TMEM65: variants seen among roughly 807,000 people sequenced by gnomAD.
TMEM65 encodes the protein transmembrane protein 65.
In TMEM65, 22 loss-of-function variants were observed where a neutral mutation model predicts 25.4. The ratio of observed to expected loss-of-function variants is 0.86; its 90% CI spans 0.62 to 1.23. The LOEUF is 1.23. Ranked by LOEUF, TMEM65 falls within the 50% of genes most tolerant of loss-of-function variation. TMEM65 has a pLI of 0.00. For missense variants in TMEM65, 262 were observed against 308.2 expected, an observed-to-expected ratio of 0.85 and a Z score of 1.12; for synonymous variants, 132 against 126.2, an observed-to-expected ratio of 1.05 and a Z score of -0.31.
At chr8:124,341,915 A>C (rs1266185419) in intron 1 of TMEM65, among the ~76,000 whole-genome samples, 2 of 152,044 alleles carry the variant, frequency 1.3e-5, no homozygotes, top group East Asian at 3.8e-4. Context: ...TCCTTATATA[A>C]AAAGACAGAT....
At chr8:124,371,421 G>A (rs1412899320) in intron 1 of TMEM65, among the ~76,000 whole-genome samples, 1 of 152,222 alleles carries the variant, frequency 6.6e-6, no homozygotes, top group African/African-American at 2.4e-5. Flanking sequence ...CTGCCAGGCG[G>A]GTTTGCAGCA....
chr8:124,338,469 T>TA (rs1421375858), intron 1 of TMEM65, among the ~76,000 whole-genome samples: 2 of 152,120 alleles, frequency 1.3e-5, no homozygotes, highest in Non-Finnish European at 2.9e-5. Flanking sequence ...TATGTCAAGT[T>TA]ACCCCCATCT....
At chr8:124,361,200 G>A (rs770109065) in intron 1 of TMEM65, among the ~76,000 whole-genome samples, 31 of 149,814 alleles carry the variant, frequency 2.1e-4, no homozygotes, top group Non-Finnish European at 3.3e-4. Flanking sequence ...TTGGGAGGCC[G>A]AGGCGGGTAG....
At chr8:124,327,550 G>A (rs937952148) in intron 2 of TMEM65, 129 bp from the exon 3 acceptor site, 1 of 587,962 alleles carries the variant, frequency 1.7e-6, no homozygotes, top group Non-Finnish European at 2.9e-6. Context: ...TCATTTTCCA[G>A]AGCCAATAGA....
At chr8:124,348,582 G>A (rs1814669925) in intron 1 of TMEM65, among the ~76,000 whole-genome samples, 1 of 152,008 alleles carries the variant, frequency 6.6e-6, no homozygotes, top group Non-Finnish European at 1.5e-5. Context: ...TAATACTGTA[G>A]AGAAAAAGCC....
chr8:124,333,470 CGTGTGTGT>C (rs10660640), intron 1 of TMEM65, among the ~76,000 whole-genome samples: 5 of 149,138 alleles, frequency 3.4e-5, no homozygotes, highest in African/African-American at 7.4e-5. Flanking sequence ...TGTGTGTGTG[CGTGTGTGT>C]GTGTGTGTGT....
At chr8:124,318,376 T>G (rs1247997330) in intron 6 of TMEM65, among the ~76,000 whole-genome samples, 34 of 124,816 alleles carry the variant, frequency 2.7e-4, no homozygotes, top group African/African-American at 8.1e-4. Flanking sequence ...TTTGTTTTTT[T>G]TTTTTTTTTT....
At chr8:124,335,680 G>A (rs1023902812) in intron 1 of TMEM65, among the ~76,000 whole-genome samples, 2 of 151,974 alleles carry the variant, frequency 1.3e-5, no homozygotes, top group South Asian at 4.1e-4. Context: ...AAAAAGTTAA[G>A]AATACATGCT....
At chr8:124,362,255 T>C (rs1814876683) in intron 1 of TMEM65, among the ~76,000 whole-genome samples, 1 of 152,116 alleles carries the variant, frequency 6.6e-6, no homozygotes, top group Non-Finnish European at 1.5e-5. Context: ...TGAGAAAAAA[T>C]AATTTCATCT....
chr8:124,356,750 C>T (rs1814787372), intron 1 of TMEM65, among the ~76,000 whole-genome samples: 1 of 152,166 alleles, frequency 6.6e-6, no homozygotes, highest in South Asian at 2.1e-4. Context: ...TTCTGTCACA[C>T]AGGCTGGAGT....
At chr8:124,362,149 C>T (rs376536116) in intron 1 of TMEM65, among the ~76,000 whole-genome samples, 1 of 151,920 alleles carries the variant, frequency 6.6e-6, no homozygotes, top group African/African-American at 2.4e-5. Context: ...GCCTCGGCCT[C>T]CCAAAGTGCT....
chr8:124,368,462 C>T lies in TMEM65; in HGVS notation c.304+3392G>A, dbSNP rs558259123. On this transcript the variant is annotated intron_variant, in intron 1 of 6. Transcript: ENST00000297632. ...GTATTCACACCTTCTGTAGTACTCT[C>T]CCACAATGTGTCAGGACAAAAGAGA... Among the ~76,000 whole-genome samples the T allele has an allele frequency of 1.6e-4, 25 of 152,288 alleles. No individual in the cohort carries two copies. In the South Asian group the frequency reaches 5.2e-3, roughly 32 times the overall value.
chr8:124,349,179 C>T (rs376585079), intron 1 of TMEM65, among the ~76,000 whole-genome samples: 9 of 152,216 alleles, frequency 5.9e-5, no homozygotes, highest in African/African-American at 2.2e-4. Context: ...ATGGAAGAAC[C>T]AAGAATCAAT....
At chr8:124,361,051 A>G (rs1259316236) in intron 1 of TMEM65, among the ~76,000 whole-genome samples, 1 of 152,248 alleles carries the variant, frequency 6.6e-6, no homozygotes, top group Non-Finnish European at 1.5e-5. Context: ...TTTCTAAAAA[A>G]ATGCAAAATG....
intron 1 of TMEM65, among the ~76,000 whole-genome samples, chr8:124,346,958 G>T (rs1471790883): frequency 6.6e-6 from 1 of 152,058 alleles, no homozygotes; most frequent in Non-Finnish European, 1.5e-5. Context: ...ACATATTAAA[G>T]AATACAAACT....
chr8:124,321,165 A>G (rs1440564408), intron 5 of TMEM65, among the ~76,000 whole-genome samples: 1 of 152,176 alleles, frequency 6.6e-6, no homozygotes, highest in South Asian at 2.1e-4. Context: ...TCCTAAAACA[A>G]AGAAACTTTG....
intron 5 of TMEM65, 31 bp from the exon 6 acceptor site, chr8:124,320,222 G>C: frequency 1.3e-6 from 2 of 1,516,408 alleles, no homozygotes; most frequent in Non-Finnish European, 1.8e-6. Flanking sequence ...ATGATATATA[G>C]GTTATGTTTC....
intron 1 of TMEM65, among the ~76,000 whole-genome samples, chr8:124,353,886 CA>C (rs1442738535): frequency 6.6e-6 from 1 of 152,092 alleles, no homozygotes; most frequent in Non-Finnish European, 1.5e-5. Context: ...TATCACTTCA[CA>C]AAAGACTTAT....
chr8:124,323,591 T>C (rs1420817680), intron 3 of TMEM65, among the ~76,000 whole-genome samples: 5 of 152,088 alleles, frequency 3.3e-5, no homozygotes, highest in African/African-American at 1.2e-4. Flanking sequence ...TTCATTCAAA[T>C]TAGGCTTCTA....
Sources: gnomAD v4.1 joint callset for allele counts (sites outside exome capture counted in the v4.1 genomes callset) on GRCh38, gnomAD v4.1.1 for gene constraint, MANE v1.5 for transcripts, NCBI Gene and HGNC (gene_info 2026-07-23, HGNC 2026-07-21) for gene names.